The following CENPE variants were observed in gnomAD, a reference collection of about 807,000 sequenced individuals.
CENPE encodes the protein centromere protein E, also known as centromere-associated protein E.
CENPE carries 145 observed loss-of-function variants against 336.1 expected under a neutral mutation model. The ratio of observed to expected loss-of-function variants is 0.43; its 90% CI spans 0.38 to 0.50. The LOEUF is 0.50. Ranked by LOEUF, CENPE falls within the 20% of genes least tolerant of loss-of-function variation. The pLI, the probability that CENPE is intolerant of heterozygous loss-of-function variation, is 0.00. For missense variants in CENPE, 2,719 were observed against 3,023.3 expected (o/e 0.90, Z 2.36); for synonymous variants, 1,013 against 984.8 (o/e 1.03, Z -0.54).
Position 103,182,654 on chromosome 4 carries a change from A to G in CENPE, c.963+108T>C, listed in dbSNP as rs17033461. 2,626 of 864,402 alleles carry G rather than the reference A, an allele frequency of 3.0e-3. 60 individuals are homozygous for G. In the African/African-American group the frequency reaches 0.039, roughly 13 times the overall value. The allele number at this position is 864,402 out of a possible 1,614,324, so 53.5% of individuals were successfully genotyped here. On this transcript the variant is annotated intron_variant, in intron 11 of 48. Transcript: ENST00000265148. ...CTATTTAGTAGACAACATATCGATT[A>G]TAACAGGCGAGTTAATTAAAAAAAA...
intron 46 of CENPE, 121 bp from the exon 47 acceptor site, chr4:103,111,132 C>T (rs903493389): frequency 2.7e-5 from 17 of 632,492 alleles, no homozygotes; most frequent in Non-Finnish European, 4.4e-5. Flanking sequence ...AGTCTTATTT[C>T]CCTGGAAGTC....
rs1363505701 is a variant in CENPE at position 103,145,871 on chromosome 4, T to C, written c.4371A>G (p.Glu1457=). 1 of 1,613,090 alleles carries C rather than the reference T, an allele frequency of 6.2e-7. No homozygotes were observed. The highest frequency in any genetic ancestry group is 1.7e-5 in the Admixed American group (1 of 59,932). The change falls in exon 30 of 49, where the codon GAA becomes GAG. Residue 1457 remains glutamate, a synonymous_variant. Coordinates refer to ENST00000265148, the MANE Select transcript of CENPE (RefSeq NM_001813.3). The part of the protein sequence containing the change: ...LQRLQEVLQS[E]SDQLKENIKE... ...TTATGTTTTCTTTGAGCTGGTCACT[T>C]TCAGATTGAAGAACTTCTTGCAGCC...
rs776221814 is a variant in CENPE at position 103,151,247 on chromosome 4, G to A, written c.3368C>T (p.Ala1123Val). 1.3e-6 allele frequency: 2 copies of A among 1,598,032 alleles called. No homozygotes were observed. Among genetic ancestry groups the A allele is most frequent in the Admixed American group, 3.6e-5 (2 of 55,284 alleles). The change falls in exon 26 of 49, where the codon GCA becomes GTA. Residue 1123 changes from alanine (A) to valine (V), a missense_variant. Around this residue, in one of 5 missense-constraint regions of CENPE, gnomAD observed 2,437 missense variants for 2,513.3 expected, o/e 0.97. Transcript: ENST00000265148. ...GELSRTCDRL[A>V]EVEEKLKEKS... ...TTCCTTTAGTTTTTCTTCAACTTCTGCCAGTCTGTCACAGGTCCTAGAAAG... is the reference window on the plus strand; with the variant it reads ...TTCCTTTAGTTTTTCTTCAACTTCTACCAGTCTGTCACAGGTCCTAGAAAG...
chr4:103,120,871 G>A (rs1254772181), intron 43 of CENPE, among the ~76,000 whole-genome samples: 1 of 152,038 alleles, frequency 6.6e-6, no homozygotes, highest in Non-Finnish European at 1.5e-5. Flanking sequence ...GAGTAGCTGG[G>A]ACTACAGGTG....
At chr4:103,155,643 G>A (rs183393853) in intron 24 of CENPE, among the ~76,000 whole-genome samples, 2 of 152,198 alleles carry the variant, frequency 1.3e-5, no homozygotes, top group Admixed American at 1.3e-4. Flanking sequence ...AATGCCTTTG[G>A]CCTATGGTTA....
rs550951923 is a variant in CENPE, at chr4:103,159,088, C to T, written c.2523G>A (p.Glu841=). 7.0e-6 allele frequency: 11 copies of T among 1,573,978 alleles called. No homozygotes were observed. Among genetic ancestry groups the T allele is most frequent in the Admixed American group, 6.0e-5 (3 of 49,866 alleles). The change falls in exon 22 of 49, where the codon GAG becomes GAA. Residue 841 remains glutamate, a synonymous_variant. Transcript: ENST00000265148. ...QKYKMVLEEN[E]RMNQEIVNLS... is the part of the protein sequence containing the mutation. Reference sequence around the variant, plus strand: ...GATTAACTATTTCCTGATTCATTCTCTCATTCTCCTCAAGGACCATCTTAT... The same window carrying T: ...GATTAACTATTTCCTGATTCATTCTTTCATTCTCCTCAAGGACCATCTTAT...
chr4:103,180,735 C>T (rs769175175), intron 12 of CENPE, among the ~76,000 whole-genome samples: 1 of 152,040 alleles, frequency 6.6e-6, no homozygotes, highest in Non-Finnish European at 1.5e-5. Flanking sequence ...TAATATAACT[C>T]TATTAATTGC....
intron 43 of CENPE, among the ~76,000 whole-genome samples, chr4:103,122,658 C>T (rs1428766504): frequency 6.6e-6 from 1 of 152,148 alleles, no homozygotes; most frequent in Admixed American, 6.5e-5. Context: ...AATGAAGCTA[C>T]AATTTATGTT....
intron 25 of CENPE, 63 bp downstream of exon 25, chr4:103,152,984 G>A (rs145776128): frequency 0.019 from 23,077 of 1,211,676 alleles, 256 homozygotes; most frequent in Middle Eastern, 0.033. Flanking sequence ...CAATAAAGTT[G>A]ATAAAAATCT....
At chr4:103,182,173 C>A (rs1394681958) in intron 11 of CENPE, among the ~76,000 whole-genome samples, 1 of 151,940 alleles carries the variant, frequency 6.6e-6, no homozygotes, top group South Asian at 2.1e-4. Context: ...CTCACCGCAA[C>A]CTCTGCCTCC....
Position 103,151,233 on chromosome 4 carries a change from T to C in CENPE, c.3382A>G (p.Lys1128Glu), listed in dbSNP as rs1416541743. The change falls in exon 26 of 49, where the codon AAA becomes GAA. Residue 1128 changes from lysine (K) to glutamate (E), a missense_variant. By Grantham distance (56) the Lys-to-Glu change is moderately conservative. Around this residue, in one of 5 missense-constraint regions of CENPE, gnomAD observed 2,437 missense variants for 2,513.3 expected, o/e 0.97. Transcript: ENST00000265148. ...TAAAAATTCACCTTTTCCTTTAGTT[T>C]TTCTTCAACTTCTGCCAGTCTGTCA... ...TCDRLAEVEE[K>E]LKEKSQQLQE... 32 of 1,593,032 alleles carry C rather than the reference T, an allele frequency of 2.0e-5. No individual in the cohort carries two copies. Among genetic ancestry groups the C allele is most frequent in the Non-Finnish European group, 2.5e-5 (29 of 1,175,290 alleles).
chr4:103,185,504 A>T (rs573380091), intron 9 of CENPE, among the ~76,000 whole-genome samples: 129 of 151,802 alleles, frequency 8.5e-4, no homozygotes, highest in Non-Finnish European at 1.5e-3. Context: ...TATCTTTCTT[A>T]ATTTCCTTAT....
At chr4:103,188,360 C>A (rs1436206658) in intron 8 of CENPE, among the ~76,000 whole-genome samples, 1 of 152,138 alleles carries the variant, frequency 6.6e-6, no homozygotes, top group Non-Finnish European at 1.5e-5. Flanking sequence ...CAGCACATCA[C>A]ACTTATTCCA....
Position 103,141,123 on chromosome 4 carries a change from T to C in CENPE, c.5464-19A>G, listed in dbSNP as rs770529989. The C allele has an allele frequency of 1.4e-6, 2 of 1,430,160 alleles. No individual in the cohort carries two copies. Among genetic ancestry groups the C allele is most frequent in the Admixed American group, 2.3e-5 (1 of 43,920 alleles). 88.6% of individuals were successfully genotyped at this position (1,430,160 alleles called of 1,614,324 possible). On this transcript the variant is annotated intron_variant, in intron 35 of 48. Coordinates refer to ENST00000265148, the MANE Select transcript of CENPE (RefSeq NM_001813.3). ...CTTGAATCTTAAGATAATCATAAAA[T>C]AATATGTTAGGTGGCTTTTTAGGGA...
Position 103,130,324 on chromosome 4 carries a change from G to T in CENPE, c.6924+2369C>A, listed in dbSNP as rs1348314679. Among the ~76,000 whole-genome samples, 9 of 152,316 alleles carry T rather than the reference G, an allele frequency of 5.9e-5. No homozygotes were observed. The East Asian group carries it at 1.5e-3, about 26-fold the overall frequency. The stretch of plus-strand genomic sequence containing the variant: ...CTAAATAAGCAACTATCGCAAAGTT[G>T]CAGGATAAAAAGTCAATATACGAAA... On this transcript the variant is annotated intron_variant, in intron 42 of 48. Coordinates refer to ENST00000265148, the MANE Select transcript of CENPE (RefSeq NM_001813.3).
chr4:103,121,649 A>G (rs148887597), intron 43 of CENPE, among the ~76,000 whole-genome samples: 53 of 151,790 alleles, frequency 3.5e-4, no homozygotes, highest in African/African-American at 1.3e-3. Flanking sequence ...CCCAGGCTCA[A>G]GTAATCCTCC....
Position 103,139,784 on chromosome 4 carries a change from C to G in CENPE, c.6204+5G>C. ...TTACTACACAAAGGAAGACTCTGAA[C>G]TCACTCTAGCTATCATTTCCCTTAA... On this transcript the variant is annotated splice_donor_5th_base_variant and intron_variant, in intron 38 of 48. Coordinates refer to ENST00000265148, the MANE Select transcript of CENPE (RefSeq NM_001813.3). 1 of 1,592,228 alleles carries G rather than the reference C, an allele frequency of 6.3e-7. No homozygotes were observed. Among genetic ancestry groups the G allele is most frequent in the Non-Finnish European group, 8.5e-7 (1 of 1,171,672 alleles).
intron 13 of CENPE, among the ~76,000 whole-genome samples, chr4:103,179,944 T>C (rs1350363795): frequency 2.6e-5 from 4 of 152,266 alleles, no homozygotes; most frequent in African/African-American, 7.2e-5. Flanking sequence ...GACACAATTA[T>C]GTTGTTTTAT....
At chr4:103,121,673 C>T (rs1252627649) in intron 43 of CENPE, among the ~76,000 whole-genome samples, 1 of 151,742 alleles carries the variant, frequency 6.6e-6, no homozygotes, top group Non-Finnish European at 1.5e-5. Context: ...CTAAGCCTCC[C>T]ACATAGCTGA....
Sources: allele counts gnomAD v4.1 joint callset (sites outside exome capture counted in the v4.1 genomes callset), GRCh38; gene constraint gnomAD v4.1.1; regional missense constraint gnomAD v4.1.1; transcripts MANE v1.5; gene names NCBI Gene and HGNC (gene_info 2026-07-23, HGNC 2026-07-21).